Variants in SGCD observed in about 807,000 individuals in gnomAD.
The protein encoded by SGCD is delta-sarcoglycan.
In SGCD, 18 loss-of-function variants were observed where a neutral mutation model predicts 36.6. The ratio of observed to expected loss-of-function variants is 0.49; its 90% CI spans 0.34 to 0.73. The LOEUF (loss-of-function observed/expected upper bound fraction) is 0.73. Ranked by LOEUF, SGCD falls within the 30% of genes least tolerant of loss-of-function variation. The pLI is 0.01. For missense variants in SGCD, 387 were observed against 346.7 expected (o/e 1.12, Z -0.92); for synonymous variants, 133 against 130.6 (o/e 1.02, Z -0.12).
chr5:156,176,872 T>C (rs949701891), intron 3 of SGCD, among the ~76,000 whole-genome samples: 2 of 152,294 alleles, frequency 1.3e-5, no homozygotes, highest in Middle Eastern at 3.4e-3. Flanking sequence ...AAGTGACAAA[T>C]TGTCAGGGAT....
At chr5:156,428,111 T>C (rs930565967) in intron 3 of SGCD, among the ~76,000 whole-genome samples, 2 of 152,192 alleles carry the variant, frequency 1.3e-5, no homozygotes, top group Middle Eastern at 3.2e-3. Flanking sequence ...ATAGGATTGG[T>C]ACCAATTCCT....
At chr5:155,731,460 T>C in the SGCD span, among the ~76,000 whole-genome samples, 1 of 152,176 alleles carries the variant, frequency 6.6e-6, no homozygotes, top group Non-Finnish European at 1.5e-5. Context: ...GACGTTGACA[T>C]AGTCCAGATC....
At chr5:156,249,612 C>G (rs1426382562) in intron 3 of SGCD, among the ~76,000 whole-genome samples, 1 of 152,056 alleles carries the variant, frequency 6.6e-6, no homozygotes, top group African/African-American at 2.4e-5. Flanking sequence ...GTGCCTCTGC[C>G]TACCGTCACA....
At chr5:156,582,630 AT>A (rs895947949) in intron 4 of SGCD, among the ~76,000 whole-genome samples, 4 of 152,016 alleles carry the variant, frequency 2.6e-5, no homozygotes, top group African/African-American at 7.2e-5. Flanking sequence ...ATATATCAGT[AT>A]TTTTTTTCTC....
Position 156,320,665 on chromosome 5 carries a change from C to T in SGCD, c.-43-8869C>T, listed in dbSNP as rs148744506. Among the ~76,000 whole-genome samples, 6 of 152,304 alleles carry T rather than the reference C, an allele frequency of 3.9e-5. No individual in the cohort carries two copies. In the South Asian group the frequency reaches 8.3e-4, roughly 21 times the overall value. On this transcript the variant is annotated intron_variant, in intron 3 of 9. Transcript: ENST00000517913. ...TATGAGTTCCTTCTGAAAGTAATGA[C>T]TTAGTTTGAGAATCCCTCATTGTGT...
At chr5:156,080,632 T>G (rs959903223) in intron 1 of SGCD, among the ~76,000 whole-genome samples, 4 of 152,182 alleles carry the variant, frequency 2.6e-5, no homozygotes, top group African/African-American at 9.7e-5. Context: ...AATAATCCAT[T>G]TGAAGCCCAA....
chr5:155,887,997 G>A (rs1042385488), intron 1 of SGCD, among the ~76,000 whole-genome samples: 7 of 152,206 alleles, frequency 4.6e-5, no homozygotes, highest in Non-Finnish European at 1.0e-4. Context: ...CATCTGCAGT[G>A]TTACACACTT....
chr5:156,445,539 TTGAGAA>T (rs1753723453), intron 3 of SGCD, among the ~76,000 whole-genome samples: 1 of 152,166 alleles, frequency 6.6e-6, no homozygotes. Flanking sequence ...GTGTTCATGA[TTGAGAA>T]TGAGATGTTA....
At chr5:156,439,871 A>T (rs1401571400) in intron 3 of SGCD, among the ~76,000 whole-genome samples, 4 of 152,186 alleles carry the variant, frequency 2.6e-5, no homozygotes, top group Non-Finnish European at 4.4e-5. Context: ...AAAAAAAATC[A>T]TGGAAATCAG....
chr5:156,224,590 T>C (rs749222831), intron 3 of SGCD, among the ~76,000 whole-genome samples: 16 of 152,146 alleles, frequency 1.1e-4, no homozygotes, highest in Admixed American at 5.9e-4. Context: ...CCAGTAAGTT[T>C]TGATGTTACT....
At chr5:155,941,277 A>G (rs1373999854) in intron 1 of SGCD, among the ~76,000 whole-genome samples, 3 of 152,230 alleles carry the variant, frequency 2.0e-5, no homozygotes, top group Non-Finnish European at 2.9e-5. Flanking sequence ...CCACACTGTT[A>G]TATTGGAGAT....
At chr5:156,098,615 A>ATT (rs1761438689) in intron 1 of SGCD, among the ~76,000 whole-genome samples, 1 of 145,786 alleles carries the variant, frequency 6.9e-6, no homozygotes, top group South Asian at 2.1e-4. Flanking sequence ...ATATATATAT[A>ATT]TATTTATTTA....
At chr5:156,158,647 C>T (rs1763018878) in intron 3 of SGCD, among the ~76,000 whole-genome samples, 1 of 151,576 alleles carries the variant, frequency 6.6e-6, no homozygotes, top group South Asian at 2.1e-4. Flanking sequence ...ACGGACAAGC[C>T]TTCCGGGGTA....
chr5:156,265,238 C>T (rs1765967102), intron 3 of SGCD, among the ~76,000 whole-genome samples: 1 of 152,106 alleles, frequency 6.6e-6, no homozygotes. Flanking sequence ...AAAGCTTATA[C>T]TCTGAATAGT....
chr5:156,090,222 A>G lies in SGCD; in HGVS notation c.-281-27656A>G, dbSNP rs573961460. Among the ~76,000 whole-genome samples, 4 of 152,274 alleles carry G rather than the reference A, an allele frequency of 2.6e-5. No homozygotes were observed. The South Asian group carries it at 8.3e-4, about 32-fold the overall frequency. Reference sequence around the variant, plus strand: ...AATGTCCTTATTTCCTGATGTTAGGAGCTCTCTCTTTTTCCAGATGGCTCT... The same window carrying G: ...AATGTCCTTATTTCCTGATGTTAGGGGCTCTCTCTTTTTCCAGATGGCTCT... On this transcript the variant is annotated intron_variant, in intron 1 of 9. Coordinates refer to the SGCD transcript ENST00000517913.
chr5:156,291,164 A>G (rs1217893028), intron 3 of SGCD, among the ~76,000 whole-genome samples: 3 of 152,152 alleles, frequency 2.0e-5, no homozygotes, highest in Non-Finnish European at 4.4e-5. Flanking sequence ...GACAGAAGGT[A>G]CAAGTTTTAA....
intron 3 of SGCD, among the ~76,000 whole-genome samples, chr5:156,501,575 G>A (rs942804980): frequency 6.6e-6 from 1 of 152,194 alleles, no homozygotes; most frequent in Non-Finnish European, 1.5e-5. Context: ...AGCCCAGAGG[G>A]TAATTCCCCA....
chr5:156,336,011 A>T, intron 2 of SGCD, among the ~76,000 whole-genome samples: 1 of 152,142 alleles, frequency 6.6e-6, no homozygotes, highest in East Asian at 1.9e-4. Context: ...TCCCATTTCC[A>T]TGCCTAGGTT....
intron 7 of SGCD, among the ~76,000 whole-genome samples, chr5:156,738,887 G>GGTGAAAC (rs1240303818): frequency 7.2e-5 from 11 of 152,170 alleles, no homozygotes; most frequent in Non-Finnish European, 1.3e-4. Context: ...CCTTCTCCAA[G>GGTGAAAC]GTGAAACATC....
Sources: gnomAD v4.1 joint callset for allele counts (sites outside exome capture counted in the v4.1 genomes callset) on GRCh38, gnomAD v4.1.1 for gene constraint, MANE v1.5 for transcripts, NCBI Gene and HGNC (gene_info 2026-07-23, HGNC 2026-07-21) for gene names.